The following SLC35B4 variants were observed in gnomAD, a reference collection of about 807,000 sequenced individuals.
SLC35B4 encodes solute carrier family 35 member B4, also known as nucleotide sugar transporter SLC35B4.
SLC35B4 carries 28 observed loss-of-function variants against 39.5 expected under a neutral mutation model. The observed-to-expected ratio is 0.71, with a 90% CI of 0.53 to 0.97. The LOEUF (loss-of-function observed/expected upper bound fraction) is 0.97, where lower values mean the gene tolerates loss of function less well. Ranked by LOEUF, SLC35B4 falls within the 50% of genes least tolerant of loss-of-function variation. The pLI, the probability that SLC35B4 is intolerant of heterozygous loss-of-function variation, is 0.00. For missense variants in SLC35B4, 334 were observed against 414.3 expected (o/e 0.81, Z 1.68); for synonymous variants, 145 against 150.4 (o/e 0.96, Z 0.26).
intron 1 of SLC35B4, among the ~76,000 whole-genome samples, chr7:134,313,466 G>A (rs1372147204): frequency 2.0e-5 from 3 of 152,184 alleles, no homozygotes; most frequent in East Asian, 1.9e-4. Context: ...ATAATATCTT[G>A]CCTAGTTAGT....
intron 1 of SLC35B4, among the ~76,000 whole-genome samples, chr7:134,311,289 C>A (rs1203187840): frequency 6.6e-6 from 1 of 152,204 alleles, no homozygotes; most frequent in South Asian, 2.1e-4. Flanking sequence ...ACAGAAGGAA[C>A]TTTAACTCTA....
chr7:134,305,287 C>T (rs1448169775), intron 3 of SLC35B4, among the ~76,000 whole-genome samples: 1 of 151,924 alleles, frequency 6.6e-6, no homozygotes, highest in African/African-American at 2.4e-5. Context: ...CGCGCCATTG[C>T]ACCTCCAGCC....
intron 8 of SLC35B4, among the ~76,000 whole-genome samples, chr7:134,296,703 C>G (rs550745978): frequency 2.6e-5 from 4 of 152,252 alleles, no homozygotes; most frequent in South Asian, 4.1e-4. Flanking sequence ...AAGTGTTTTA[C>G]CATTTGCCTG....
chr7:134,318,752 T>C (rs1804050209), upstream of SLC35B4, among the ~76,000 whole-genome samples: 1 of 152,156 alleles, frequency 6.6e-6, no homozygotes. Flanking sequence ...ACATCTCAGA[T>C]AAAAACCCAA....
Position 134,315,642 on chromosome 7 carries a change from C to CAAA in SLC35B4, c.77+1030_77+1032dup, listed in dbSNP as rs376704817. On this transcript the variant is annotated intron_variant, in intron 1 of 9. Transcript: ENST00000378509. ...ATGTATATGCAAATACTCCCAAATC[C>CAAA]AAAAAAAAAACAAAAAACAAAAAAC... 7.7e-4 allele frequency among the ~76,000 whole-genome samples: 77 copies of CAAA among 99,998 alleles called. 1 individual carries two copies. Among genetic ancestry groups the CAAA allele is most frequent in the African/African-American group, 2.6e-3 (72 of 27,226 alleles). The allele number at this position is 99,998 out of a possible 152,430, so 65.6% of individuals were successfully genotyped here. A position where few individuals can be genotyped will look rare whatever the true frequency, so the allele number is the denominator to read the frequency against.
rs1357134307 is a variant in SLC35B4, at chr7:134,293,789, TTTC to T, written c.*1041_*1043del. 6 of 149,510 alleles carry T rather than the reference TTTC, an allele frequency of 4.0e-5. No individual in the cohort carries two copies. Among genetic ancestry groups the T allele is most frequent in the Non-Finnish European group, 7.4e-5 (5 of 67,790 alleles). The allele number at this position is 149,510 out of a possible 1,614,324, so 9.3% of individuals were successfully genotyped here. A position where few individuals can be genotyped will look rare whatever the true frequency, so the allele number is the denominator to read the frequency against. ...CAGGGGTGTCCAGTCCATAACAACC[TTTC>T]TTTTTTTTTTTTTTTTTTGAGATAG... is the stretch of plus-strand genomic sequence containing the variant. On this transcript the variant is annotated 3_prime_UTR_variant, in exon 10 of 10. Coordinates refer to ENST00000378509, the MANE Select transcript of SLC35B4 (RefSeq NM_032826.5).
intron 3 of SLC35B4, 97 bp from the exon 4 acceptor site, chr7:134,304,951 T>C (rs1242162343): frequency 1.6e-5 from 14 of 885,444 alleles, no homozygotes; most frequent in Admixed American, 8.0e-5. Flanking sequence ...GGAAAAAACA[T>C]GGAATGAAGG....
At chr7:134,306,810 C>G (rs773144590) in intron 2 of SLC35B4, 36 bp from the exon 3 acceptor site, 3 of 1,528,446 alleles carry the variant, frequency 2.0e-6, no homozygotes, top group East Asian at 4.5e-5. Flanking sequence ...CAAACAGAAT[C>G]TAGGATTTCA....
At chr7:134,307,636 G>A (rs911252735) in intron 2 of SLC35B4, among the ~76,000 whole-genome samples, 2 of 152,160 alleles carry the variant, frequency 1.3e-5, no homozygotes, top group African/African-American at 2.4e-5. Context: ...GCAAATAAGT[G>A]GTTCCATATT....
chr7:134,310,729 A>G (rs1251890885), intron 1 of SLC35B4, among the ~76,000 whole-genome samples: 15 of 151,478 alleles, frequency 9.9e-5, no homozygotes, highest in African/African-American at 2.4e-5. Flanking sequence ...GTTTTTTTTC[A>G]GTAGAGACAG....
intron 8 of SLC35B4, among the ~76,000 whole-genome samples, chr7:134,298,861 AT>A (rs1408501279): frequency 6.6e-6 from 1 of 152,180 alleles, no homozygotes; most frequent in Non-Finnish European, 1.5e-5. Context: ...AAAAACGTTT[AT>A]TTGTTCCTTG....
At chr7:134,298,147 A>G (rs1803506948) in intron 8 of SLC35B4, among the ~76,000 whole-genome samples, 1 of 152,218 alleles carries the variant, frequency 6.6e-6, no homozygotes, top group Admixed American at 6.5e-5. Context: ...ATACACACGC[A>G]TACACATAAA....
chr7:134,296,759 T>C (rs2117280427), intron 8 of SLC35B4, among the ~76,000 whole-genome samples: 2 of 152,186 alleles, frequency 1.3e-5, no homozygotes, highest in African/African-American at 4.8e-5. Context: ...CACAGAAAAG[T>C]TGAAAATGAT....
chr7:134,304,895 TA>T (rs775496001), intron 3 of SLC35B4, 41 bp from the exon 4 acceptor site: 166 of 1,519,134 alleles, frequency 1.1e-4, no homozygotes, highest in Non-Finnish European at 1.5e-4. Flanking sequence ...TTTAGTGCAC[TA>T]GGAAAAAAAC....
intron 4 of SLC35B4, among the ~76,000 whole-genome samples, chr7:134,303,789 T>C (rs1585639464): frequency 1.3e-5 from 2 of 152,274 alleles, no homozygotes; most frequent in South Asian, 2.1e-4. Context: ...CTGTATGTGT[T>C]GTCTCTTGCT....
intron 1 of SLC35B4, among the ~76,000 whole-genome samples, chr7:134,315,065 G>T (rs1185788562): frequency 1.3e-5 from 2 of 152,148 alleles, no homozygotes. Flanking sequence ...GCTTTGGGAT[G>T]ATTTAATCAA....
chr7:134,307,146 G>A (rs1346368445), intron 2 of SLC35B4, among the ~76,000 whole-genome samples: 1 of 151,882 alleles, frequency 6.6e-6, no homozygotes, highest in East Asian at 1.9e-4. Flanking sequence ...GTTAATTTTC[G>A]CTGTTTCTAA....
chr7:134,314,812 G>A (rs1191769435), intron 1 of SLC35B4, among the ~76,000 whole-genome samples: 4 of 152,192 alleles, frequency 2.6e-5, no homozygotes, highest in Admixed American at 1.3e-4. Flanking sequence ...GGGATTACAG[G>A]TGTGAGCCAC....
intron 6 of SLC35B4, among the ~76,000 whole-genome samples, chr7:134,301,115 A>G (rs906189888): frequency 1.3e-5 from 2 of 152,246 alleles, no homozygotes; most frequent in African/African-American, 4.8e-5. Flanking sequence ...AAAGCCAAGA[A>G]GCAAGGAGAA....
Sources: allele counts gnomAD v4.1 joint callset (sites outside exome capture counted in the v4.1 genomes callset), GRCh38; gene constraint gnomAD v4.1.1; transcripts MANE v1.5; gene names NCBI Gene and HGNC (gene_info 2026-07-23, HGNC 2026-07-21).